Variants in FAM228B observed in about 807,000 individuals in gnomAD.
FAM228B encodes the protein protein FAM228B.
FAM228B carries 38 observed loss-of-function variants against 42.6 expected under a neutral mutation model. That is an observed-to-expected ratio of 0.89 (90% CI 0.69 to 1.17). The LOEUF is 1.17. Ranked by LOEUF, FAM228B falls within the 50% of genes most tolerant of loss-of-function variation. The pLI, the probability that FAM228B is intolerant of heterozygous loss-of-function variation, is 0.00. For synonymous variants in FAM228B, 109 were observed against 122.3 expected (o/e 0.89, Z 0.72); for missense variants, 344 against 367.3 (o/e 0.94, Z 0.52).
rs1664779875 is a variant in FAM228B at position 24,077,029 on chromosome 2, A to T, written c.-290+60A>T. On this transcript the variant is annotated intron_variant, in intron 1 of 10. Transcript: ENST00000613899. The surrounding 1 kb of genome is among the most constrained non-coding windows in gnomAD (Gnocchi z 5.5). The stretch of plus-strand genomic sequence containing the variant: ...TGGTGGAGGTGCGGCGGGGCCCAGA[A>T]GTGTAGCAGGAGGTGGTTGGGGCTG... The T allele has an allele frequency of 7.6e-6, 1 of 132,390 alleles. No individual in the cohort carries two copies. 8.2% of individuals were successfully genotyped at this position (132,390 alleles called of 1,614,324 possible). A position where few individuals can be genotyped will look rare whatever the true frequency, so the allele number is the denominator to read the frequency against.
intron 3 of FAM228B, among the ~76,000 whole-genome samples, chr2:24,111,869 A>C (rs1010356487): frequency 6.6e-6 from 1 of 151,696 alleles, no homozygotes; most frequent in Admixed American, 6.6e-5. Context: ...GCCAAAAAAA[A>C]CCCCTCAACT....
chr2:24,095,086 T>C lies in FAM228B; in HGVS notation c.-209-55T>C, dbSNP rs1458909042. The C allele has an allele frequency of 1.3e-5, 2 of 152,186 alleles. No individual in the cohort carries two copies. The highest frequency in any genetic ancestry group is 2.9e-5 in the Non-Finnish European group (2 of 68,028). The allele number at this position is 152,186 out of a possible 1,614,324, so 9.4% of individuals were successfully genotyped here. On this transcript the variant is annotated intron_variant, in intron 2 of 10. Coordinates refer to the FAM228B transcript ENST00000613899. The surrounding 1 kb of genome is among the most constrained non-coding windows in gnomAD (Gnocchi z 4.8). ...ACTCCAGCCTTATATTAGAGCAATT[T>C]GATATTTATTAATATAATCATCCAC...
intron 3 of FAM228B, among the ~76,000 whole-genome samples, chr2:24,115,981 G>A (rs1283723162): frequency 1.3e-5 from 2 of 151,108 alleles, no homozygotes; most frequent in Non-Finnish European, 2.9e-5. Context: ...GGGCTCAGGA[G>A]AATAAAAGAA....
intron 3 of FAM228B, among the ~76,000 whole-genome samples, chr2:24,117,961 G>A (rs1201478724): frequency 6.6e-6 from 1 of 152,176 alleles, no homozygotes; most frequent in African/African-American, 2.4e-5. Context: ...CGTGATGCCA[G>A]CAGTGCACTT....
upstream of FAM228B, chr2:24,122,835 T>G (rs1441487873): frequency 7.5e-6 from 2 of 265,278 alleles, no homozygotes; most frequent in African/African-American, 4.4e-5. Flanking sequence ...CAGGATTATC[T>G]GCGATTTAAA....
At chr2:24,090,511 G>A (rs956666670) in intron 2 of FAM228B, among the ~76,000 whole-genome samples, 1 of 144,910 alleles carries the variant, frequency 6.9e-6, no homozygotes, top group East Asian at 2.0e-4. Flanking sequence ...GCAGTGAGCT[G>A]TGATTGCACC....
chr2:24,147,265 T>C (rs993736400), intron 7 of FAM228B, among the ~76,000 whole-genome samples, 179 bp downstream of exon 7: 3 of 152,092 alleles, frequency 2.0e-5, no homozygotes, highest in African/African-American at 7.2e-5. Flanking sequence ...TTATCTTTGT[T>C]TCTCTGTATG....
At chr2:24,106,613 C>T (rs1418823098) in intron 3 of FAM228B, among the ~76,000 whole-genome samples, 1 of 152,108 alleles carries the variant, frequency 6.6e-6, no homozygotes, top group Non-Finnish European at 1.5e-5. Context: ...AGCCACCTTA[C>T]CTGGCCTCAT....
chr2:24,124,490 A>G (rs1558381548), intron 2 of FAM228B, 30 bp downstream of exon 2: 17 of 1,422,262 alleles, frequency 1.2e-5, no homozygotes, highest in Non-Finnish European at 1.6e-5. Context: ...GGATTTGGAG[A>G]TTTTTTTACT....
chr2:24,128,874 A>G (rs567059066), intron 2 of FAM228B, among the ~76,000 whole-genome samples: 2 of 152,182 alleles, frequency 1.3e-5, no homozygotes, highest in Non-Finnish European at 2.9e-5. Flanking sequence ...CAGTACTGAT[A>G]CAAAACCTCT....
intron 8 of FAM228B, among the ~76,000 whole-genome samples, chr2:24,161,827 G>A (rs907026270): frequency 5.9e-5 from 9 of 152,160 alleles, no homozygotes; most frequent in East Asian, 1.9e-4. Context: ...GGCTGGGTGC[G>A]GTGGCTCCCG....
chr2:24,090,425 A>G, intron 2 of FAM228B, among the ~76,000 whole-genome samples: 1 of 151,630 alleles, frequency 6.6e-6, no homozygotes, highest in Non-Finnish European at 1.5e-5. Context: ...CTCTACTAAA[A>G]ATACAAAAAT....
chr2:24,157,851 C>T (rs1189400805), intron 7 of FAM228B, among the ~76,000 whole-genome samples: 1 of 152,116 alleles, frequency 6.6e-6, no homozygotes, highest in African/African-American at 2.4e-5. Flanking sequence ...GATTCGAACA[C>T]ATACCAGGTT....
At chr2:24,130,449 T>C (rs1198581498) in intron 2 of FAM228B, among the ~76,000 whole-genome samples, 1 of 152,220 alleles carries the variant, frequency 6.6e-6, no homozygotes, top group East Asian at 1.9e-4. Context: ...GTGCTCCTGT[T>C]TCTCCACAGC....
chr2:24,117,023 T>TTC (rs1474647322), intron 3 of FAM228B, among the ~76,000 whole-genome samples: 8 of 149,580 alleles, frequency 5.3e-5, no homozygotes, highest in African/African-American at 2.0e-4. Flanking sequence ...CATTTTTTTT[T>TTC]TTTTTTTTTT....
intron 3 of FAM228B, chr2:24,097,486 C>T (rs192884479): frequency 1.3e-3 from 188 of 146,432 alleles, no homozygotes; most frequent in African/African-American, 4.6e-3. Flanking sequence ...GGGTTGCAAT[C>T]CTATTCTCTG....
At chr2:24,134,250 G>T (rs1164720191) in intron 2 of FAM228B, among the ~76,000 whole-genome samples, 1 of 152,060 alleles carries the variant, frequency 6.6e-6, no homozygotes, top group African/African-American at 2.4e-5. Flanking sequence ...AAAATTAGTG[G>T]GTGAATTCAT....
In FAM228B at chr2:24,130,254, A is replaced by C. The variant is rs112253209; in HGVS notation, c.100-4865A>C. ...GTTACATATCTTTGCTATTGTAAAT[A>C]GTGCTGCAATAAACATACATGTGCA... On this transcript the variant is annotated intron_variant, in intron 2 of 10. Transcript: ENST00000615575. Among the ~76,000 whole-genome samples the C allele has an allele frequency of 1.0e-2, 1,518 of 152,350 alleles. 25 individuals are homozygous for C. The highest frequency in any genetic ancestry group is 0.035 in the African/African-American group (1,451 of 41,586).
chr2:24,158,683 CGAT>C (rs1667217201), intron 7 of FAM228B, among the ~76,000 whole-genome samples: 1 of 151,982 alleles, frequency 6.6e-6, no homozygotes, highest in Non-Finnish European at 1.5e-5. Flanking sequence ...GTCTCAGTCA[CGAT>C]GGTGGCAAGA....
Sources: gnomAD v4.1 joint callset for allele counts (sites outside exome capture counted in the v4.1 genomes callset) on GRCh38, gnomAD v4.1.1 for gene constraint, Gnocchi (gnomAD v3.1) non-coding constraint, MANE v1.5 for transcripts, NCBI Gene and HGNC (gene_info 2026-07-23, HGNC 2026-07-21) for gene names.